Variants in ALDH1L2 observed in about 807,000 individuals in gnomAD.
ALDH1L2 encodes the protein aldehyde dehydrogenase 1 family member L2.
A neutral mutation model predicts 111.0 loss-of-function variants in ALDH1L2; 91 were observed. The ratio of observed to expected loss-of-function variants is 0.82; its 90% confidence interval spans 0.69 to 0.98. The LOEUF (loss-of-function observed/expected upper bound fraction) is 0.98. Among genes scored for constraint, ALDH1L2 ranks in the 50% least tolerant of loss-of-function variants. The pLI, the probability that ALDH1L2 is intolerant of heterozygous loss-of-function variation, is 0.00. For missense variants in ALDH1L2, 995 were observed against 1,126.8 expected, an observed-to-expected ratio of 0.88 and a Z score of 1.67; for synonymous variants, 374 against 392.6, an observed-to-expected ratio of 0.95 and a Z score of 0.56.
At chr12:105,035,262 G>A (rs1466731938) in intron 18 of ALDH1L2, among the ~76,000 whole-genome samples, 1 of 151,932 alleles carries the variant, frequency 6.6e-6, no homozygotes, top group Non-Finnish European at 1.5e-5. Context: ...TGTATACCAA[G>A]TTTTGCTTTT....
intron 21 of ALDH1L2, among the ~76,000 whole-genome samples, chr12:105,029,264 G>A (rs1874580617): frequency 6.6e-6 from 1 of 152,178 alleles, no homozygotes; most frequent in Admixed American, 6.5e-5. Context: ...CTGGCCTCAA[G>A]CTGTCCCCCG....
intron 17 of ALDH1L2, among the ~76,000 whole-genome samples, chr12:105,038,457 G>A (rs1029896249): frequency 3.3e-5 from 5 of 151,980 alleles, no homozygotes; most frequent in Non-Finnish European, 2.9e-5. Context: ...CTTTAAGGCC[G>A]GAAGTGTGAG....
At chr12:105,074,485 A>G (rs1877930545) in intron 1 of ALDH1L2, among the ~76,000 whole-genome samples, 1 of 149,748 alleles carries the variant, frequency 6.7e-6, no homozygotes, top group African/African-American at 2.5e-5. Flanking sequence ...AAAAAAAAAG[A>G]AAAGAAAAAG....
chr12:105,042,443 G>C (rs1295304328), intron 15 of ALDH1L2, among the ~76,000 whole-genome samples: 1 of 152,122 alleles, frequency 6.6e-6, no homozygotes, highest in Non-Finnish European at 1.5e-5. Flanking sequence ...TTATCCTGAG[G>C]ACATATAGTC....
intron 2 of ALDH1L2, among the ~76,000 whole-genome samples, chr12:105,073,517 G>T (rs554268729): frequency 1.6e-4 from 25 of 152,310 alleles, no homozygotes; most frequent in South Asian, 6.2e-4. Context: ...TGAAGTCCAC[G>T]TATATGGCAG....
chr12:105,030,321 T>G lies in ALDH1L2; in HGVS notation c.2516+3A>C. 1.9e-6 allele frequency: 3 copies of G among 1,607,194 alleles called. No homozygotes were observed. Among genetic ancestry groups the G allele is most frequent in the Non-Finnish European group, 2.5e-6 (3 of 1,176,998 alleles). On this transcript the variant is annotated splice_donor_region_variant and intron_variant, in intron 21 of 22. Coordinates refer to ENST00000258494, the MANE Select transcript of ALDH1L2 (RefSeq NM_001034173.4). ...TAAGTTACATTGTGTCTGAAGAACC[T>G]ACCCATTTTGGAATTTAGAAATGAC...
chr12:105,025,339 G>A, intron 22 of ALDH1L2, among the ~76,000 whole-genome samples: 1 of 152,162 alleles, frequency 6.6e-6, no homozygotes, highest in East Asian at 1.9e-4. Context: ...GACAACCACT[G>A]GGCTAAGGGG....
intron 2 of ALDH1L2, 32 bp from the exon 3 acceptor site, chr12:105,070,836 A>G (rs1481757344): frequency 1.3e-6 from 2 of 1,541,986 alleles, no homozygotes; most frequent in Non-Finnish European, 1.8e-6. Context: ...TTTTTTTTAG[A>G]AGTTAGCCAT....
At chr12:105,055,164 G>A (rs914654993) in intron 10 of ALDH1L2, among the ~76,000 whole-genome samples, 4 of 152,066 alleles carry the variant, frequency 2.6e-5, no homozygotes, top group African/African-American at 9.7e-5. Flanking sequence ...GTGCAGGCAG[G>A]AAGTGTGAAG....
intron 11 of ALDH1L2, among the ~76,000 whole-genome samples, 191 bp downstream of exon 11, chr12:105,052,621 G>A (rs148268117): frequency 9.2e-5 from 14 of 152,254 alleles, no homozygotes; most frequent in African/African-American, 3.4e-4. Context: ...CTATAAAATA[G>A]GTTACTACAG....
At chr12:105,062,347 T>C (rs6539184) in intron 7 of ALDH1L2, among the ~76,000 whole-genome samples, 13,232 of 122,364 alleles carry the variant, frequency 0.11, 627 homozygotes, top group African/African-American at 0.14. Flanking sequence ...CGGCCTACAG[T>C]CTTAACGATT....
intron 4 of ALDH1L2, among the ~76,000 whole-genome samples, chr12:105,066,890 G>A (rs964527405): frequency 6.6e-6 from 1 of 152,182 alleles, no homozygotes; most frequent in African/African-American, 2.4e-5. Context: ...CCTGCAAGGT[G>A]TATATTGTTA....
chr12:105,083,246 A>G (rs1219704587), intron 1 of ALDH1L2, among the ~76,000 whole-genome samples: 2 of 152,172 alleles, frequency 1.3e-5, no homozygotes, highest in Non-Finnish European at 2.9e-5. Flanking sequence ...TCCATCTGGG[A>G]TCCCATGTGC....
chr12:105,050,815 A>G (rs1876211441), intron 12 of ALDH1L2: 4 of 334,086 alleles, frequency 1.2e-5, no homozygotes, highest in Admixed American at 1.1e-4. Flanking sequence ...TGAGACTTAT[A>G]TACTTTCATG....
intron 2 of ALDH1L2, among the ~76,000 whole-genome samples, chr12:105,071,642 A>ATTTGTT (rs1877726225): frequency 9.2e-5 from 1 of 10,886 alleles, no homozygotes; most frequent in East Asian, 3.9e-3. Context: ...ATATATATAT[A>ATTTGTT]TTTTTTTTTT....
intron 16 of ALDH1L2, 123 bp downstream of exon 16, chr12:105,040,484 G>A (rs1875466977): frequency 1.1e-6 from 1 of 901,726 alleles, no homozygotes; most frequent in Non-Finnish European, 1.8e-6. Context: ...TTAACTGTTT[G>A]GTGAATTGTA....
chr12:105,072,660 T>A (rs1317450288), intron 2 of ALDH1L2: 1 of 152,136 alleles, frequency 6.6e-6, no homozygotes, highest in Non-Finnish European at 1.5e-5. Context: ...GGAGGAAACT[T>A]AGAAGTCTTC....
rs987395314 is a variant in ALDH1L2, at chr12:105,070,809, G to A, written c.194-5C>T. On this transcript the variant is annotated splice_region_variant and splice_polypyrimidine_tract_variant and intron_variant, in intron 2 of 22. Coordinates refer to ENST00000258494, the MANE Select transcript of ALDH1L2 (RefSeq NM_001034173.4). ...CATCTTTCTCTGCAGCCAAAGCTGAGCATAAAAAAGAAGATTTTTTTTTTA... is the reference window on the plus strand; with the variant it reads ...CATCTTTCTCTGCAGCCAAAGCTGAACATAAAAAAGAAGATTTTTTTTTTA... 4 of 1,594,278 alleles carry A rather than the reference G, an allele frequency of 2.5e-6. No homozygotes were observed. The African/African-American group carries it at 4.1e-5, about 16-fold the overall frequency.
At position 105,061,007 on chromosome 12, in the gene ALDH1L2, A is replaced by T. The variant is rs1449674426; in HGVS notation, c.1113T>A (p.Ser371=). The change falls in exon 9 of 23, where the codon TCT becomes TCA. Residue 371 remains serine, a synonymous_variant. Coordinates refer to ENST00000258494, the MANE Select transcript of ALDH1L2 (RefSeq NM_001034173.4). The stretch of plus-strand genomic sequence containing the variant: ...TGGCAACATCCATTGAGCTTGCTCC[A>T]GATTTAAAGAAGTCTGTTGAGTCTT... The part of the protein sequence containing the change: ...IIEDSTDFFK[S]GASSMDVARL... The T allele has an allele frequency of 6.2e-7, 1 of 1,614,058 alleles. No individual in the cohort carries two copies. The highest frequency in any genetic ancestry group is 1.7e-5 in the Admixed American group (1 of 60,012).
Sources: allele counts gnomAD v4.1 joint callset (sites outside exome capture counted in the v4.1 genomes callset), GRCh38; gene constraint gnomAD v4.1.1; transcripts MANE v1.5; gene names NCBI Gene and HGNC (gene_info 2026-07-23, HGNC 2026-07-21).